The following CDC42BPA variants were observed in gnomAD, a reference collection of about 807,000 sequenced individuals.
The protein encoded by CDC42BPA is serine/threonine-protein kinase MRCK alpha.
CDC42BPA carries 80 observed loss-of-function variants against 223.5 expected under a neutral mutation model. The observed-to-expected ratio is 0.36, with a 90% CI of 0.30 to 0.43. The LOEUF is 0.43. Among genes scored for constraint, CDC42BPA ranks in the 20% least tolerant of loss-of-function variants. CDC42BPA has a pLI of 1.00. For missense variants in CDC42BPA, 1,743 were observed against 2,099.9 expected (o/e 0.83, Z 3.32); for synonymous variants, 694 against 718.6 (o/e 0.97, Z 0.55).
rs12405188 is a variant in CDC42BPA at position 227,084,459 on chromosome 1, C to T, written c.2356-3442G>A. 1.6e-3 allele frequency among the ~76,000 whole-genome samples: 231 copies of T among 147,672 alleles called. 1 individual carries two copies. The highest frequency in any genetic ancestry group is 9.7e-3 in the Admixed American group (139 of 14,344). ...AGGAAAATCGCTTGAACTCAGGAGG[C>T]GGAGGTTGCAACGAGCAGAGATAGT... On this transcript the variant is annotated intron_variant, in intron 16 of 36. Transcript: ENST00000366766.
chr1:227,275,943 G>A (rs772147515), intron 1 of CDC42BPA, among the ~76,000 whole-genome samples: 50 of 136,926 alleles, frequency 3.7e-4, no homozygotes, highest in Non-Finnish European at 7.3e-4. Flanking sequence ...GCCTGATCTC[G>A]GCTCGCTACA....
intron 5 of CDC42BPA, among the ~76,000 whole-genome samples, chr1:227,177,785 C>T (rs184658374): frequency 2.2e-4 from 33 of 152,282 alleles, no homozygotes; most frequent in Non-Finnish European, 3.8e-4. Flanking sequence ...ACTCCAATTA[C>T]TTGCATGTTA....
chr1:227,086,485 T>C (rs1213579482), intron 16 of CDC42BPA, among the ~76,000 whole-genome samples: 1 of 152,162 alleles, frequency 6.6e-6, no homozygotes, highest in African/African-American at 2.4e-5. Flanking sequence ...CAATAGTTGA[T>C]ACGGTCACGC....
intron 2 of CDC42BPA, among the ~76,000 whole-genome samples, chr1:227,246,428 T>C (rs962041178): frequency 5.6e-4 from 85 of 152,312 alleles, no homozygotes; most frequent in African/African-American, 2.0e-3. Context: ...CCCAGTGCTG[T>C]GCTGGCTTCA....
chr1:227,004,633 C>T (rs1395198230), intron 35 of CDC42BPA: 1 of 294,052 alleles, frequency 3.4e-6, no homozygotes, highest in African/African-American at 2.1e-5. Flanking sequence ...ATGACTCCAC[C>T]TCTAGGGAGT....
At chr1:227,162,559 G>A (rs372776756) in intron 5 of CDC42BPA, among the ~76,000 whole-genome samples, 2 of 152,158 alleles carry the variant, frequency 1.3e-5, no homozygotes, top group East Asian at 1.9e-4. Flanking sequence ...GATAGTTCAT[G>A]CCTATAATCC....
At chr1:227,211,160 A>G (rs1673821596) in intron 3 of CDC42BPA, among the ~76,000 whole-genome samples, 1 of 152,198 alleles carries the variant, frequency 6.6e-6, no homozygotes, top group South Asian at 2.1e-4. Context: ...ATTAAAAGTA[A>G]AAACTAAGGT....
chr1:227,113,066 C>T (rs1307405846), intron 12 of CDC42BPA, among the ~76,000 whole-genome samples, 153 bp from the exon 13 acceptor site: 3 of 152,174 alleles, frequency 2.0e-5, no homozygotes, highest in Non-Finnish European at 2.9e-5. Flanking sequence ...CAGATATTAA[C>T]GGCATGGTGT....
At chr1:227,228,044 A>T (rs145325084) in intron 2 of CDC42BPA, among the ~76,000 whole-genome samples, 2 of 152,168 alleles carry the variant, frequency 1.3e-5, no homozygotes, top group African/African-American at 2.4e-5. Flanking sequence ...GTTCTCACTT[A>T]TAAGTGGGAG....
intron 15 of CDC42BPA, among the ~76,000 whole-genome samples, chr1:227,097,979 T>C (rs1684327492): frequency 6.6e-6 from 1 of 152,182 alleles, no homozygotes; most frequent in South Asian, 2.1e-4. Flanking sequence ...CAAGTGTACT[T>C]TGCTTCCTTT....
chr1:227,169,870 G>C (rs916748863), intron 5 of CDC42BPA, among the ~76,000 whole-genome samples: 1 of 152,210 alleles, frequency 6.6e-6, no homozygotes, highest in African/African-American at 2.4e-5. Flanking sequence ...ACCTCATTCA[G>C]TCACTAGCCC....
At chr1:227,285,755 A>G (rs1178881658) in intron 1 of CDC42BPA, among the ~76,000 whole-genome samples, 2 of 152,226 alleles carry the variant, frequency 1.3e-5, no homozygotes, top group African/African-American at 4.8e-5. Context: ...CTAGTGTAAA[A>G]AAAGGAGCCA....
At chr1:227,123,292 ACT>A (rs1262792356) in intron 11 of CDC42BPA, among the ~76,000 whole-genome samples, 3 of 152,116 alleles carry the variant, frequency 2.0e-5, no homozygotes, top group African/African-American at 7.2e-5. Flanking sequence ...ACAGAATGAG[ACT>A]CTGTCTCAAA....
In CDC42BPA at chr1:227,169,647, C is replaced by T. The variant is rs561567432; in HGVS notation, c.600-9011G>A. Among the ~76,000 whole-genome samples, 49 of 152,266 alleles carry T rather than the reference C, an allele frequency of 3.2e-4. 3 individuals are homozygous for T. In the South Asian group the frequency reaches 1.0e-2, roughly 31 times the overall value. On this transcript the variant is annotated intron_variant, in intron 5 of 36. Transcript: ENST00000366766. The stretch of plus-strand genomic sequence containing the variant: ...TACTTATCTTCTTGTTATCTTCTCC[C>T]ATGCCACAATGTACACCATGCCATT...
At chr1:227,071,357 C>T (rs2149055571) in intron 20 of CDC42BPA, among the ~76,000 whole-genome samples, 1 of 151,964 alleles carries the variant, frequency 6.6e-6, no homozygotes, top group South Asian at 2.1e-4. Context: ...TCAGGAAAAT[C>T]AATTTCAAAT....
chr1:227,093,359 G>C (rs1187391583), intron 15 of CDC42BPA, among the ~76,000 whole-genome samples: 2 of 152,182 alleles, frequency 1.3e-5, no homozygotes, highest in Non-Finnish European at 2.9e-5. Flanking sequence ...TGTGGATTCA[G>C]AATGAGTGCA....
At position 227,034,730 on chromosome 1, in the gene CDC42BPA, T is replaced by C. The variant is rs1669921839; in HGVS notation, c.3401A>G (p.Lys1134Arg). Residue 1134 changes from lysine to arginine, a missense_variant, in exon 26 of 37, where the codon AAA becomes AGA. Coordinates refer to ENST00000366766, the MANE Select transcript of CDC42BPA (RefSeq NM_001394014.1). ...QRALAIVCDF[K>R]LFLYDIAEGK... ...TTCAGCAATATCGTACAGAAAGAGT[T>C]TGAAGTCACACACTATAGCCAGTGC... 6.2e-7 allele frequency: 1 copy of C among 1,613,892 alleles called. No homozygotes were observed. The highest frequency in any genetic ancestry group is 8.5e-7 in the Non-Finnish European group (1 of 1,179,840).
At chr1:227,094,401 A>G (rs1366448520) in intron 15 of CDC42BPA, among the ~76,000 whole-genome samples, 1 of 152,232 alleles carries the variant, frequency 6.6e-6, no homozygotes, top group Non-Finnish European at 1.5e-5. Context: ...TCAACAATGA[A>G]TAGCCAGTCA....
Position 227,109,233 on chromosome 1 carries a change from C to T in CDC42BPA, c.2001+3079G>A, listed in dbSNP as rs146041914. Among the ~76,000 whole-genome samples, 282 of 152,240 alleles carry T rather than the reference C, an allele frequency of 1.9e-3. 1 individual carries two copies. Among genetic ancestry groups the T allele is most frequent in the African/African-American group, 6.6e-3 (274 of 41,550 alleles). On this transcript the variant is annotated intron_variant, in intron 14 of 36. Coordinates refer to ENST00000366766, the MANE Select transcript of CDC42BPA (RefSeq NM_001394014.1). ...ATAAACACTTTATACTTAGGCTACACTATTTTTAAAATTTTACTTATCCAA... is the reference window on the plus strand; with the variant it reads ...ATAAACACTTTATACTTAGGCTACATTATTTTTAAAATTTTACTTATCCAA...
Sources: gnomAD v4.1 joint callset for allele counts (sites outside exome capture counted in the v4.1 genomes callset) on GRCh38, gnomAD v4.1.1 for gene constraint, MANE v1.5 for transcripts, NCBI Gene and HGNC (gene_info 2026-07-23, HGNC 2026-07-21) for gene names.